NOL10: variants seen among roughly 807,000 people sequenced by gnomAD.
NOL10 encodes H_NH0074G24.1.
A neutral mutation model predicts 103.5 loss-of-function variants in NOL10; 58 were observed. That is an observed-to-expected ratio of 0.56 (90% CI 0.45 to 0.70). The LOEUF is 0.70. Ranked by LOEUF, NOL10 falls within the 30% of genes least tolerant of loss-of-function variation. NOL10 has a pLI of 0.00. For missense variants in NOL10, 763 were observed against 807.3 expected (o/e 0.95, Z 0.67); for synonymous variants, 287 against 282.5 (o/e 1.02, Z -0.16).
chr2:10,602,240 A>G (rs1240369433), intron 16 of NOL10, among the ~76,000 whole-genome samples: 2 of 152,214 alleles, frequency 1.3e-5, no homozygotes, highest in Non-Finnish European at 2.9e-5. Context: ...GCTGTTCCGC[A>G]GCTCTGAGTT....
At chr2:10,599,793 G>T (rs528966637) in intron 17 of NOL10, among the ~76,000 whole-genome samples, 5 of 152,070 alleles carry the variant, frequency 3.3e-5, no homozygotes, top group African/African-American at 9.7e-5. Context: ...GCCCATATCC[G>T]GTCCTTGCAT....
rs1237549799 is a variant in NOL10, at chr2:10,678,786, A to G, written c.212-2915T>C. On this transcript the variant is annotated intron_variant, in intron 3 of 20. Transcript: ENST00000381685. ...ACCAAATTAAATGGAGAAGCAAGTG[A>G]CATTCCAACTCCATTTCCCCTACCA... Among the ~76,000 whole-genome samples the G allele has an allele frequency of 1.3e-4, 20 of 152,308 alleles. 1 individual carries two copies. The highest frequency in any genetic ancestry group is 1.5e-5 in the Non-Finnish European group (1 of 68,024).
chr2:10,676,685 T>C (rs1572430343), intron 3 of NOL10, among the ~76,000 whole-genome samples: 1 of 150,982 alleles, frequency 6.6e-6, no homozygotes, highest in African/African-American at 2.4e-5. Context: ...TCATTTAGAC[T>C]GGGGTGCAAT....
chr2:10,581,955 C>T (rs894430505), intron 19 of NOL10, among the ~76,000 whole-genome samples: 5 of 152,258 alleles, frequency 3.3e-5, no homozygotes, highest in Non-Finnish European at 5.9e-5. Context: ...CAGCCATGAC[C>T]TCAGGGAGGG....
At chr2:10,609,586 C>T (rs1487413115) in intron 13 of NOL10, among the ~76,000 whole-genome samples, 1 of 151,818 alleles carries the variant, frequency 6.6e-6, no homozygotes, top group Non-Finnish European at 1.5e-5. Flanking sequence ...GGCGACAGAG[C>T]GAGACTCTGA....
In NOL10 at chr2:10,675,887, G is replaced by A; in HGVS notation, c.212-16C>T. The A allele has an allele frequency of 6.9e-7, 1 of 1,459,420 alleles. No homozygotes were observed. Among genetic ancestry groups the A allele is most frequent in the Non-Finnish European group, 9.4e-7 (1 of 1,062,740 alleles). The allele number at this position is 1,459,420 out of a possible 1,614,324, so 90.4% of individuals were successfully genotyped here. On this transcript the variant is annotated splice_polypyrimidine_tract_variant and intron_variant, in intron 3 of 20. Transcript: ENST00000381685. Reference sequence around the variant, plus strand: ...TTATATGTTCCTACAAAAAATTAATGTGATGTAAAACCTAAAGACATACTT... The same window carrying A: ...TTATATGTTCCTACAAAAAATTAATATGATGTAAAACCTAAAGACATACTT...
chr2:10,628,557 A>T (rs991146051), intron 13 of NOL10, among the ~76,000 whole-genome samples: 1 of 152,140 alleles, frequency 6.6e-6, no homozygotes, highest in Non-Finnish European at 1.5e-5. Context: ...CATTGGTTTA[A>T]TCTCTTATAT....
intron 19 of NOL10, among the ~76,000 whole-genome samples, chr2:10,587,413 G>A (rs1434623498): frequency 6.7e-6 from 1 of 149,516 alleles, no homozygotes; most frequent in Non-Finnish European, 1.5e-5. Flanking sequence ...TGGGACTACA[G>A]GCACGTGCCG....
At chr2:10,608,082 T>A (rs1392347141) in intron 13 of NOL10, among the ~76,000 whole-genome samples, 1 of 152,182 alleles carries the variant, frequency 6.6e-6, no homozygotes, top group Non-Finnish European at 1.5e-5. Flanking sequence ...GTGATGCAAA[T>A]GTTAATTAGC....
intron 13 of NOL10, among the ~76,000 whole-genome samples, chr2:10,623,101 T>G (rs1677241994): frequency 6.6e-6 from 1 of 152,160 alleles, no homozygotes; most frequent in African/African-American, 2.4e-5. Context: ...GTCCTATCCC[T>G]GGCTTCCAAA....
At chr2:10,612,996 C>A in intron 13 of NOL10, among the ~76,000 whole-genome samples, 1 of 134,468 alleles carries the variant, frequency 7.4e-6, no homozygotes, top group African/African-American at 3.3e-5. Flanking sequence ...AGAATAAGAC[C>A]CTGTTAAAAA....
intron 19 of NOL10, among the ~76,000 whole-genome samples, chr2:10,578,851 A>T (rs1262273565): frequency 2.0e-5 from 3 of 152,228 alleles, no homozygotes; most frequent in Non-Finnish European, 4.4e-5. Context: ...GAGGGAAGAC[A>T]AAGAATATGG....
At chr2:10,602,616 G>C (rs1322457570) in intron 16 of NOL10, among the ~76,000 whole-genome samples, 160 bp downstream of exon 16, 1 of 152,114 alleles carries the variant, frequency 6.6e-6, no homozygotes, top group Non-Finnish European at 1.5e-5. Context: ...TGACAAACAT[G>C]ACACACTGAT....
At chr2:10,588,946 T>C (rs1216752286) in intron 19 of NOL10, 97 bp downstream of exon 19, 5 of 1,522,912 alleles carry the variant, frequency 3.3e-6, no homozygotes, top group Middle Eastern at 2.0e-4. Context: ...ACCTCCATCA[T>C]CCAAAGACAG....
intron 13 of NOL10, among the ~76,000 whole-genome samples, chr2:10,631,431 C>CA (rs1291773408): frequency 1.3e-5 from 2 of 152,126 alleles, no homozygotes; most frequent in South Asian, 2.1e-4. Context: ...GCACAAATTC[C>CA]AAAAAAATTA....
intron 13 of NOL10, among the ~76,000 whole-genome samples, chr2:10,628,972 T>G (rs113501848): frequency 2.6e-5 from 4 of 152,236 alleles, no homozygotes; most frequent in South Asian, 2.1e-4. Context: ...TTTTCTCGGT[T>G]GAGAAAGGCC....
At chr2:10,648,257 G>A (rs895624342) in intron 12 of NOL10, among the ~76,000 whole-genome samples, 2 of 152,060 alleles carry the variant, frequency 1.3e-5, no homozygotes, top group Non-Finnish European at 2.9e-5. Flanking sequence ...ATGAGTAAGT[G>A]AAAAGAAAAA....
chr2:10,587,218 CATATATAT>C (rs1169462624), intron 19 of NOL10, among the ~76,000 whole-genome samples: 1 of 42,936 alleles, frequency 2.3e-5, no homozygotes, highest in East Asian at 5.8e-4. Flanking sequence ...TATATATATA[CATATATAT>C]ACATATATAT....
intron 13 of NOL10, among the ~76,000 whole-genome samples, chr2:10,638,325 G>GACGTA (rs1256527446): frequency 1.6e-5 from 2 of 127,166 alleles, no homozygotes; most frequent in Non-Finnish European, 3.1e-5. Flanking sequence ...GACGTGACGT[G>GACGTA]ACGTGACGTA....
Sources: gnomAD v4.1 joint callset for allele counts (sites outside exome capture counted in the v4.1 genomes callset) on GRCh38, gnomAD v4.1.1 for gene constraint, MANE v1.5 for transcripts, NCBI Gene and HGNC (gene_info 2026-07-23, HGNC 2026-07-21) for gene names.